Variants in INTS3 observed in about 807,000 individuals in gnomAD.
INTS3 encodes the protein SOSS complex subunit A.
Under a neutral mutation model 146.3 loss-of-function variants are expected in INTS3, and 34 were observed. That is an observed-to-expected ratio of 0.23 (90% CI 0.18 to 0.31). The LOEUF is 0.31. Among genes scored for constraint, INTS3 ranks in the 10% least tolerant of loss-of-function variants. INTS3 has a pLI of 1.00. For synonymous variants in INTS3, 475 were observed against 494.9 expected, an observed-to-expected ratio of 0.96 and a Z score of 0.53; for missense variants, 757 against 1,304.2, an observed-to-expected ratio of 0.58 and a Z score of 6.46.
chr1:153,733,749 T>G (rs1246233884), intron 1 of INTS3, among the ~76,000 whole-genome samples: 3 of 151,586 alleles, frequency 2.0e-5, no homozygotes, highest in Non-Finnish European at 4.4e-5. Flanking sequence ...GGACTACAAG[T>G]GTGCGCCACC....
rs960563373 is a variant in INTS3, at chr1:153,751,422, A to G, written c.729+183A>G. On this transcript the variant is annotated intron_variant, in intron 7 of 29. Coordinates refer to ENST00000318967, the MANE Select transcript of INTS3 (RefSeq NM_023015.5). ...GGGGGAGTTAGTGTAAAATAGCCCT[A>G]ATTCCTAGAAATGCTACCTGTTAAG... Among the ~76,000 whole-genome samples, 6 of 152,136 alleles carry G rather than the reference A, an allele frequency of 3.9e-5. No individual in the cohort carries two copies. The South Asian group carries it at 1.0e-3, about 26-fold the overall frequency.
intron 15 of INTS3, 86 bp downstream of exon 15, chr1:153,762,933 G>T: frequency 6.5e-7 from 1 of 1,530,308 alleles, no homozygotes; most frequent in Non-Finnish European, 8.9e-7. Context: ...CACTCTTCCT[G>T]TCACCCTTAT....
At chr1:153,756,899 A>T (rs1672183326) in intron 9 of INTS3, among the ~76,000 whole-genome samples, 1 of 152,228 alleles carries the variant, frequency 6.6e-6, no homozygotes. Context: ...ATCATTGCCG[A>T]AAGTTCTGTT....
rs1672770915 is a variant in INTS3, at chr1:153,770,098, T to TGCGCGCGCGCGCGC, written c.2390-99_2390-98insCGCGCGCGCGCGCG. On this transcript the variant is annotated intron_variant, in intron 23 of 29. Transcript: ENST00000318967. ...GTGTGTGTGTGTGTGTGTGTGTGTG[T>TGCGCGCGCGCGCGC]GTGTGCTGGTAGTCAGTGGATGGGG... 7.2e-6 allele frequency: 3 copies of TGCGCGCGCGCGCGC among 418,804 alleles called. No homozygotes were observed. The African/African-American group carries it at 1.3e-4, about 18-fold the overall frequency. The allele number at this position is 418,804 out of a possible 1,614,324, so 25.9% of individuals were successfully genotyped here. A position where few individuals can be genotyped will look rare whatever the true frequency, so the allele number is the denominator to read the frequency against.
intron 5 of INTS3, chr1:153,748,350 A>T: frequency 3.0e-6 from 1 of 335,236 alleles, no homozygotes; most frequent in South Asian, 2.8e-5. Flanking sequence ...CTCAGGCTCT[A>T]TCTGAGATAT....
chr1:153,734,834 C>T (rs189559679), intron 1 of INTS3, among the ~76,000 whole-genome samples: 81 of 152,306 alleles, frequency 5.3e-4, no homozygotes, highest in African/African-American at 1.9e-3. Flanking sequence ...GGAATTTATT[C>T]ATGTCCTGTG....
intron 21 of INTS3, among the ~76,000 whole-genome samples, chr1:153,768,607 A>C (rs1672692949): frequency 6.6e-6 from 1 of 152,174 alleles, no homozygotes; most frequent in South Asian, 2.1e-4. Context: ...CTCTGGCTTT[A>C]TCTCTAGTAG....
chr1:153,746,975 C>G lies in INTS3; in HGVS notation c.337C>G (p.Leu113Val), dbSNP rs747771840. Residue 113 changes from leucine to valine, a missense_variant, in exon 4 of 30, where the codon CTG becomes GTG. Physicochemically the swap from Leu to Val is conservative, Grantham distance 32. Around this residue, in one of 8 missense-constraint regions of INTS3, gnomAD observed 160 missense variants for 193.7 expected, o/e 0.83. Transcript: ENST00000318967. ...QAQKCYRDLA[L>V]VSRDGMNIVL... ...CTCACAGTGTTACCGGGACTTAGCT[C>G]TGGTGAGTCGTGATGGCATGAATAT... The G allele has an allele frequency of 6.2e-7, 1 of 1,613,370 alleles. No homozygotes were observed. The highest frequency in any genetic ancestry group is 2.2e-5 in the East Asian group (1 of 44,876).
At position 153,770,779 on chromosome 1, in the gene INTS3, C is replaced by T. The variant is rs79794111; in HGVS notation, c.2552+46C>T. The T allele has an allele frequency of 5.5e-4, 806 of 1,469,778 alleles. 7 individuals carry two copies. In the African/African-American group the frequency reaches 9.8e-3, roughly 18 times the overall value. 91.0% of individuals were successfully genotyped at this position (1,469,778 alleles called of 1,614,324 possible). On this transcript the variant is annotated intron_variant, in intron 25 of 29. Transcript: ENST00000318967. ...TCTTTAGCCCTCAATTTTAACATCCCAAGAGCTGCTGTGGTCTAAAGGGCT... is the reference window on the plus strand; with the variant it reads ...TCTTTAGCCCTCAATTTTAACATCCTAAGAGCTGCTGTGGTCTAAAGGGCT...
intron 1 of INTS3, among the ~76,000 whole-genome samples, chr1:153,730,857 A>C (rs778005864): frequency 2.8e-4 from 42 of 151,908 alleles, no homozygotes; most frequent in Non-Finnish European, 5.4e-4. Context: ...TTTTTTCCCA[A>C]TGTGTGTGGT....
intron 3 of INTS3, 191 bp from the exon 4 acceptor site, chr1:153,746,766 A>G: frequency 1.8e-6 from 1 of 565,982 alleles, no homozygotes; most frequent in Non-Finnish European, 3.1e-6. Context: ...GTGTGACAGA[A>G]CAAGGGATAG....
chr1:153,728,526 C>T lies in INTS3; in HGVS notation c.-109C>T. 1 of 1,381,044 alleles carries T rather than the reference C, an allele frequency of 7.2e-7. No individual in the cohort carries two copies. The highest frequency in any genetic ancestry group is 9.7e-7 in the Non-Finnish European group (1 of 1,026,162). The allele number at this position is 1,381,044 out of a possible 1,614,324, so 85.5% of individuals were successfully genotyped here. On this transcript the variant is annotated 5_prime_UTR_variant, in exon 1 of 30. Coordinates refer to ENST00000318967, the MANE Select transcript of INTS3 (RefSeq NM_023015.5). ...AGGACAGGGGCCCTTGCTCTCCCCT[C>T]CCCAACTTGTTCCTCTTGCCCCCCA...
chr1:153,728,868 T>A (rs939925977), intron 1 of INTS3, 84 bp downstream of exon 1: 3 of 19,090 alleles, frequency 1.6e-4, no homozygotes, highest in African/African-American at 4.8e-4. Flanking sequence ...GGACGGGGGG[T>A]GGGGGCGGGG....
At chr1:153,768,099 C>G (rs1289896127) in intron 21 of INTS3, among the ~76,000 whole-genome samples, 1 of 152,202 alleles carries the variant, frequency 6.6e-6, no homozygotes, top group Non-Finnish European at 1.5e-5. Flanking sequence ...TGGGCCCCAT[C>G]ATCTGGACCC....
intron 1 of INTS3, among the ~76,000 whole-genome samples, chr1:153,739,523 G>C (rs1388570386): frequency 6.6e-6 from 1 of 151,178 alleles, no homozygotes; most frequent in African/African-American, 2.4e-5. Context: ...TTGTAGAGAC[G>C]GGGTTTCTCC....
Position 153,752,404 on chromosome 1 carries a change from C to T in INTS3, c.855C>T (p.Phe285=). The part of the protein sequence containing the change: ...IHNPQALSPQ[F]TGILQLLQSR... ...ATCCTCAGGCCTTGAGTCCTCAGTT[C>T]ACAGGTAAGTAGGGTCTTAGGCATC... Residue 285 remains phenylalanine (F), a synonymous_variant, in exon 8 of 30, where the codon TTC becomes TTT. Transcript: ENST00000318967. 6.2e-7 allele frequency: 1 copy of T among 1,610,544 alleles called. No individual in the cohort carries two copies. Among genetic ancestry groups the T allele is most frequent in the Non-Finnish European group, 8.5e-7 (1 of 1,178,756 alleles).
At chr1:153,767,649 G>A in intron 20 of INTS3, 25 bp from the exon 21 acceptor site, 1 of 1,547,592 alleles carries the variant, frequency 6.5e-7, no homozygotes, top group African/African-American at 1.4e-5. Context: ...TCAGGCTGCT[G>A]GCTCAGGCCC....
At chr1:153,760,014 A>T in intron 11 of INTS3, 2 of 522,088 alleles carry the variant, frequency 3.8e-6, no homozygotes, top group Non-Finnish European at 6.8e-6. Context: ...GGGGGAATAG[A>T]CATAGCACTT....
Position 153,773,470 on chromosome 1 carries a change from G to A in INTS3, c.*200G>A, listed in dbSNP as rs1344125706. 1 of 618,478 alleles carries A rather than the reference G, an allele frequency of 1.6e-6. No homozygotes were observed. Among genetic ancestry groups the A allele is most frequent in the Non-Finnish European group, 2.9e-6 (1 of 340,122 alleles). The allele number at this position is 618,478 out of a possible 1,614,324, so 38.3% of individuals were successfully genotyped here. ...CCCTAGCCCCTTCCCTCCTCCTGGG[G>A]CCTCCAGCCCCTCACACTGCTGTTC... On this transcript the variant is annotated 3_prime_UTR_variant, in exon 30 of 30. Coordinates refer to ENST00000318967, the MANE Select transcript of INTS3 (RefSeq NM_023015.5).
Sources: allele counts gnomAD v4.1 joint callset (sites outside exome capture counted in the v4.1 genomes callset), GRCh38; gene constraint gnomAD v4.1.1; regional missense constraint gnomAD v4.1.1; transcripts MANE v1.5; gene names NCBI Gene and HGNC (gene_info 2026-07-23, HGNC 2026-07-21).